Variants in MARCHF7 observed in about 807,000 individuals in gnomAD.
The protein encoded by MARCHF7 is membrane associated ring-CH-type finger 7, also known as E3 ubiquitin-protein ligase MARCHF7.
Under a neutral mutation model 76.5 loss-of-function variants are expected in MARCHF7, and 20 were observed. The ratio of observed to expected loss-of-function variants is 0.26; its 90% CI spans 0.18 to 0.38. The LOEUF is 0.38. Ranked by LOEUF, MARCHF7 falls within the 10% of genes least tolerant of loss-of-function variation. The pLI, the probability that MARCHF7 is intolerant of heterozygous loss-of-function variation, is 1.00. For missense variants in MARCHF7, 797 were observed against 812.9 expected, an observed-to-expected ratio of 0.98 and a Z score of 0.24; for synonymous variants, 295 against 293.0, an observed-to-expected ratio of 1.01 and a Z score of -0.07.
chr2:159,721,047 T>C (rs1701584428), intron 3 of MARCHF7, among the ~76,000 whole-genome samples: 1 of 151,874 alleles, frequency 6.6e-6, no homozygotes. Flanking sequence ...TTCTGTATTT[T>C]TAGTAGAGGC....
intron 5 of MARCHF7, among the ~76,000 whole-genome samples, chr2:159,743,915 A>G (rs1295333521): frequency 2.0e-5 from 3 of 151,872 alleles, no homozygotes; most frequent in Non-Finnish European, 4.4e-5. Flanking sequence ...TTCTTAAACA[A>G]AAAACAAATA....
rs1322876677 is a variant in MARCHF7, at chr2:159,768,924, A to C, written c.*1582A>C. The C allele has an allele frequency of 1.3e-5, 2 of 152,202 alleles. No individual in the cohort carries two copies. Among genetic ancestry groups the C allele is most frequent in the Admixed American group, 1.3e-4 (2 of 15,280 alleles). 9.4% of individuals were successfully genotyped at this position (152,202 alleles called of 1,614,324 possible). ...CAAAACATTCATTGGTATGCACATA[A>C]TTCTGTATAGTTTTGTTATTAAATG... On this transcript the variant is annotated 3_prime_UTR_variant, in exon 12 of 12. Coordinates refer to ENST00000409175, the MANE Select transcript of MARCHF7 (RefSeq NM_001282805.2).
intron 3 of MARCHF7, among the ~76,000 whole-genome samples, chr2:159,716,533 C>G (rs994267004): frequency 6.6e-6 from 1 of 151,962 alleles, no homozygotes; most frequent in Non-Finnish European, 1.5e-5. Context: ...GCCTGTAGTC[C>G]AGGCTACTCA....
intron 3 of MARCHF7, among the ~76,000 whole-genome samples, chr2:159,723,870 A>C (rs1021398491): frequency 6.7e-6 from 1 of 150,230 alleles, no homozygotes; most frequent in Non-Finnish European, 1.5e-5. Context: ...AATGAGATGT[A>C]GTTTCCATGT....
intron 4 of MARCHF7, chr2:159,734,204 T>G (rs958899687): frequency 1.2e-6 from 1 of 829,662 alleles, no homozygotes; most frequent in African/African-American, 1.7e-5. Flanking sequence ...AAGGAAGCAC[T>G]AATCTGTTTA....
intron 4 of MARCHF7, chr2:159,734,115 T>C (rs1158597334): frequency 6.3e-6 from 8 of 1,262,604 alleles, no homozygotes; most frequent in Non-Finnish European, 7.3e-6. Context: ...TAAAGGAAAA[T>C]TTAATTTCTA....
intron 11 of MARCHF7, among the ~76,000 whole-genome samples, 153 bp downstream of exon 11, chr2:159,764,827 G>A (rs1168149974): frequency 2.9e-5 from 4 of 137,740 alleles, no homozygotes; most frequent in African/African-American, 7.7e-5. Context: ...TATGGGTTGG[G>A]AAACTGACAT....
At chr2:159,754,527 C>G (rs1574404547) in intron 8 of MARCHF7, among the ~76,000 whole-genome samples, 1 of 151,856 alleles carries the variant, frequency 6.6e-6, no homozygotes, top group Admixed American at 6.6e-5. Flanking sequence ...AATTTACTAC[C>G]AAGGAGACTG....
chr2:159,760,495 A>G (rs913595570), intron 9 of MARCHF7, among the ~76,000 whole-genome samples: 1 of 152,242 alleles, frequency 6.6e-6, no homozygotes, highest in African/African-American at 2.4e-5. Context: ...ACTTTCAGCA[A>G]TGAAATGTTT....
At chr2:159,750,358 C>G (rs747765986) in intron 7 of MARCHF7, among the ~76,000 whole-genome samples, 3 of 152,142 alleles carry the variant, frequency 2.0e-5, no homozygotes, top group Admixed American at 1.3e-4. Context: ...AACCCTGTCT[C>G]TATTAAAAAT....
In MARCHF7 at chr2:159,712,943, A is replaced by C. The variant is rs538512854; in HGVS notation, c.-143+337A>C. Among the ~76,000 whole-genome samples, 8 of 151,900 alleles carry C rather than the reference A, an allele frequency of 5.3e-5. No homozygotes were observed. In the South Asian group the frequency reaches 1.7e-3, roughly 32 times the overall value. On this transcript the variant is annotated intron_variant, in intron 1 of 11. Coordinates refer to ENST00000409175, the MANE Select transcript of MARCHF7 (RefSeq NM_001282805.2). ...GTGGCGGGTGACGGGAAGAAGCCTG[A>C]GCCCTCCTTTGGCGCGGGGCGGCCT...
At position 159,749,342 on chromosome 2, in the gene MARCHF7, G is replaced by GT. The variant is rs576827987; in HGVS notation, c.1613+448dup. On this transcript the variant is annotated intron_variant, in intron 7 of 11. Transcript: ENST00000409175. ...AAATCTGAAGGGTTGTTTTGTTTTT[G>GT]TTTTTTTTTGTTGTTGTTGTTGTTG... is the stretch of plus-strand genomic sequence containing the variant. Among the ~76,000 whole-genome samples, 100 of 150,690 alleles carry GT rather than the reference G, an allele frequency of 6.6e-4. 1 individual carries two copies. Among genetic ancestry groups the GT allele is most frequent in the African/African-American group, 1.4e-3 (58 of 41,032 alleles).
chr2:159,736,166 T>A (rs1049633499), intron 4 of MARCHF7, among the ~76,000 whole-genome samples: 8 of 152,162 alleles, frequency 5.3e-5, no homozygotes, highest in African/African-American at 1.9e-4. Context: ...ATGCATAACC[T>A]CTGTGTTCAA....
At chr2:159,733,995 C>T (rs1339358230) in intron 4 of MARCHF7, 5 of 1,326,880 alleles carry the variant, frequency 3.8e-6, no homozygotes. Context: ...TGCTACTAAT[C>T]TTGCTGTTAC....
intron 3 of MARCHF7, among the ~76,000 whole-genome samples, chr2:159,716,783 G>A: frequency 6.6e-6 from 1 of 152,168 alleles, no homozygotes; most frequent in East Asian, 1.9e-4. Context: ...TAGTTCCCAG[G>A]TTAGACTCAG....
intron 3 of MARCHF7, among the ~76,000 whole-genome samples, chr2:159,726,244 GTTTTGTTT>G: frequency 6.8e-6 from 1 of 147,710 alleles, no homozygotes; most frequent in African/African-American, 2.6e-5. Context: ...GTTTTGTTTT[GTTTTGTTT>G]TGTTTTGTTT....
Position 159,770,816 on chromosome 2 carries a change from T to TAA in MARCHF7, c.*3475_*3476dup, listed in dbSNP as rs750142128. The TAA allele has an allele frequency of 8.5e-5, 13 of 152,314 alleles. No homozygotes were observed. Among genetic ancestry groups the TAA allele is most frequent in the Non-Finnish European group, 1.6e-4 (11 of 68,014 alleles). The allele number at this position is 152,314 out of a possible 1,614,324, so 9.4% of individuals were successfully genotyped here. A position where few individuals can be genotyped will look rare whatever the true frequency, so the allele number is the denominator to read the frequency against. On this transcript the variant is annotated 3_prime_UTR_variant, in exon 12 of 12. Transcript: ENST00000409175. ...AAGCTGATTTTCACACAAGATTCCC[T>TAA]AACTATGCATTTCTTAGAACGTATC... is the stretch of plus-strand genomic sequence containing the variant.
chr2:159,745,738 C>T (rs752409847), intron 5 of MARCHF7, 32 bp from the exon 6 acceptor site: 58 of 1,511,258 alleles, frequency 3.8e-5, no homozygotes, highest in Non-Finnish European at 5.2e-5. Context: ...TGAAAGCTTT[C>T]TCTGAAATAA....
intron 11 of MARCHF7, among the ~76,000 whole-genome samples, chr2:159,765,206 GT>G (rs34918190): frequency 2.7e-5 from 4 of 150,124 alleles, no homozygotes; most frequent in Admixed American, 6.6e-5. Context: ...GTGGTAGTGG[GT>G]TTTTTTTTGG....
Sources: gnomAD v4.1 joint callset for allele counts (sites outside exome capture counted in the v4.1 genomes callset) on GRCh38, gnomAD v4.1.1 for gene constraint, MANE v1.5 for transcripts, NCBI Gene and HGNC (gene_info 2026-07-23, HGNC 2026-07-21) for gene names.